The following KCNC4 variants were observed in gnomAD, a reference collection of about 807,000 sequenced individuals.
The protein encoded by KCNC4 is potassium voltage-gated channel subfamily C member 4.
KCNC4 carries 23 observed loss-of-function variants against 42.8 expected under a neutral mutation model. That is an observed-to-expected ratio of 0.54 (90% CI 0.39 to 0.76). The LOEUF (loss-of-function observed/expected upper bound fraction) is 0.76, where lower values mean the gene tolerates loss of function less well. Among genes scored for constraint, KCNC4 ranks in the 30% least tolerant of loss-of-function variants. KCNC4 has a pLI of 0.00. For missense variants in KCNC4, 751 were observed against 898.2 expected (o/e 0.84, Z 2.10); for synonymous variants, 422 against 393.5 (o/e 1.07, Z -0.86).
chr1:110,281,337 G>A (rs1022881171), intron 1 of KCNC4, among the ~76,000 whole-genome samples: 1 of 152,044 alleles, frequency 6.6e-6, no homozygotes, highest in African/African-American at 2.4e-5. Context: ...CCCTACACCT[G>A]TTTCCAAAGG....
intron 1 of KCNC4, among the ~76,000 whole-genome samples, chr1:110,276,761 A>G (rs563909521): frequency 6.6e-6 from 1 of 152,318 alleles, no homozygotes; most frequent in African/African-American, 2.4e-5. Flanking sequence ...GACATTTTGT[A>G]TTCAACACAT....
At chr1:110,235,206 C>G (rs986141440), downstream of KCNC4, 2 of 152,360 alleles carry the variant, frequency 1.3e-5, no homozygotes, top group Non-Finnish European at 1.5e-5. Context: ...GAAGCCTGTT[C>G]CTGAAGTGTA....
intron 1 of KCNC4, among the ~76,000 whole-genome samples, chr1:110,213,015 GT>G (rs1441272093): frequency 6.6e-6 from 1 of 151,894 alleles, no homozygotes; most frequent in Non-Finnish European, 1.5e-5. Context: ...CCTGGTTCAG[GT>G]TACTGCTTGA....
At chr1:110,232,759 A>G (rs1658760788) in intron 3 of KCNC4, 152 bp from the exon 4 acceptor site, 3 of 1,535,798 alleles carry the variant, frequency 2.0e-6, no homozygotes, top group Non-Finnish European at 2.6e-6. Context: ...CTTAGCCCAC[A>G]CCCTGTGGGT....
At chr1:110,279,922 C>T (rs1471046848) in intron 1 of KCNC4, among the ~76,000 whole-genome samples, 3 of 151,190 alleles carry the variant, frequency 2.0e-5, no homozygotes, top group Admixed American at 2.0e-4. Flanking sequence ...CCTCAGCCTC[C>T]CCGAGTAGGC....
rs150379202 is a variant in KCNC4 at position 110,221,905 on chromosome 1, A to G, written c.679-1059A>G. The stretch of plus-strand genomic sequence containing the variant: ...GGCATGAATAACACATGAAGCCTCC[A>G]TAATTGGTGTTATTACACATGCATT... On this transcript the variant is annotated intron_variant, in intron 1 of 3. Coordinates refer to ENST00000438661, the MANE Select transcript of KCNC4 (RefSeq NM_001039574.3). The G allele has an allele frequency of 7.2e-5, 11 of 152,308 alleles. No homozygotes were observed. The East Asian group carries it at 2.1e-3, about 29-fold the overall frequency. 9.4% of individuals were successfully genotyped at this position (152,308 alleles called of 1,614,324 possible).
intron 3 of KCNC4, among the ~76,000 whole-genome samples, chr1:110,227,030 G>T (rs779545556): frequency 6.6e-6 from 1 of 152,170 alleles, no homozygotes; most frequent in Non-Finnish European, 1.5e-5. Context: ...TCACTTATTC[G>T]TCTCTCTTGC....
chr1:110,229,920 A>C (rs1016486946), intron 3 of KCNC4, among the ~76,000 whole-genome samples: 3 of 152,182 alleles, frequency 2.0e-5, no homozygotes, highest in African/African-American at 7.2e-5. Flanking sequence ...AATTTTGCGG[A>C]GAGAATGACT....
rs558901367 is a variant in KCNC4 at position 110,271,884 on chromosome 1, C to T, written n.31-10650C>T. 9.1e-4 allele frequency among the ~76,000 whole-genome samples: 138 copies of T among 152,166 alleles called. 1 individual carries two copies. The highest frequency in any genetic ancestry group is 3.1e-3 in the African/African-American group (129 of 41,504). On this transcript the variant is annotated intron_variant and non_coding_transcript_variant, in intron 1 of 2. Coordinates refer to the KCNC4 transcript ENST00000412512. ...CTGAAAGAGGAGGAGGAGGAGGCTC[C>T]GTTCACACATGAAAGGCTAAGACTC...
chr1:110,254,336 G>T (rs1659296325), intron 1 of KCNC4, among the ~76,000 whole-genome samples: 1 of 152,196 alleles, frequency 6.6e-6, no homozygotes, highest in Non-Finnish European at 1.5e-5. Flanking sequence ...TGACCCCTGA[G>T]GCTTGGGAGG....
chr1:110,236,241 A>G (rs1658902880), downstream of KCNC4: 1 of 152,192 alleles, frequency 6.6e-6, no homozygotes, highest in Admixed American at 6.5e-5. Flanking sequence ...GCATTCCAAG[A>G]TTGATGTTAT....
At position 110,212,109 on chromosome 1, in the gene KCNC4, G is replaced by A. The variant is rs751429467; in HGVS notation, c.610G>A (p.Gly204Ser). ...GGAGHGAGSGGCRGWQPRMWA... is the reference protein window; with the variant it reads ...GGAGHGAGSGSCRGWQPRMWA... ...CGCGGGCCATGGCGCCGGGTCTGGG[G>A]GCTGCCGCGGCTGGCAGCCCCGCAT... Residue 204 changes from glycine (G) to serine (S), a missense_variant, in exon 1 of 4, where the codon GGC becomes AGC. Transcript: ENST00000438661. 3 of 1,502,326 alleles carry A rather than the reference G, an allele frequency of 2.0e-6. No individual in the cohort carries two copies. Among genetic ancestry groups the A allele is most frequent in the East Asian group, 2.6e-5 (1 of 38,372 alleles). 93.1% of individuals were successfully genotyped at this position (1,502,326 alleles called of 1,614,324 possible).
At chr1:110,232,807 T>A (rs1305746548) in intron 3 of KCNC4, 104 bp from the exon 4 acceptor site, 1 of 1,547,224 alleles carries the variant, frequency 6.5e-7, no homozygotes, top group Non-Finnish European at 8.7e-7. Context: ...ATTCTTTGTT[T>A]CTCCCTTTCT....
intron 2 of KCNC4, 59 bp from the exon 3 acceptor site, chr1:110,225,916 C>T: frequency 1.4e-6 from 2 of 1,469,780 alleles, no homozygotes; most frequent in Non-Finnish European, 9.2e-7. Context: ...CCCCAGATGA[C>T]CCATGAGCAA....
In KCNC4 at chr1:110,212,192, C is replaced by G. The variant is rs759754588; in HGVS notation, c.678+15C>G. 1 of 1,458,056 alleles carries G rather than the reference C, an allele frequency of 6.9e-7. No individual in the cohort carries two copies. Among genetic ancestry groups the G allele is most frequent in the Non-Finnish European group, 8.9e-7 (1 of 1,120,700 alleles). 90.3% of individuals were successfully genotyped at this position (1,458,056 alleles called of 1,614,324 possible). On this transcript the variant is annotated intron_variant, in intron 1 of 3. Transcript: ENST00000438661. Reference sequence around the variant, plus strand: ...GGGCCGCTAGGGTGAGTGGCAGGAGCCCGTGTCTCCCCATCTTGGGTCTGC... The same window carrying G: ...GGGCCGCTAGGGTGAGTGGCAGGAGGCCGTGTCTCCCCATCTTGGGTCTGC...
At chr1:110,224,084 T>C (rs1360626676) in intron 2 of KCNC4, 184 bp downstream of exon 2, 1 of 594,424 alleles carries the variant, frequency 1.7e-6, no homozygotes, top group Non-Finnish European at 3.0e-6. Context: ...GGGTCTCCGA[T>C]AGCTTCCCGA....
chr1:110,212,388 C>G (rs931132149), intron 1 of KCNC4, among the ~76,000 whole-genome samples: 1 of 152,166 alleles, frequency 6.6e-6, no homozygotes. Context: ...AGATTGCACA[C>G]ACTTGACTTA....
At position 110,216,577 on chromosome 1, in the gene KCNC4, G is replaced by A. The variant is rs181329789; in HGVS notation, c.678+4400G>A. 7.4e-4 allele frequency among the ~76,000 whole-genome samples: 113 copies of A among 152,300 alleles called. 1 individual carries two copies. Among genetic ancestry groups the A allele is most frequent in the African/African-American group, 2.6e-3 (108 of 41,564 alleles). Reference sequence around the variant, plus strand: ...GGGGTGGGGTGTGGAGTAGGGAAGGGGAGAAAGTAAACGAGCTATTTTGGA... The same window carrying A: ...GGGGTGGGGTGTGGAGTAGGGAAGGAGAGAAAGTAAACGAGCTATTTTGGA... On this transcript the variant is annotated intron_variant, in intron 1 of 3. Transcript: ENST00000438661.
rs536098973 is a variant in KCNC4 at position 110,233,431 on chromosome 1, A to T, written c.*459A>T. On this transcript the variant is annotated 3_prime_UTR_variant, in exon 4 of 4. Transcript: ENST00000438661. ...CTGTCTTGGGGATGTTTCCCCTGTCAGCAAGTAACCTGGTGAAGTCTATTG... is the reference window on the plus strand; with the variant it reads ...CTGTCTTGGGGATGTTTCCCCTGTCTGCAAGTAACCTGGTGAAGTCTATTG... 1.2e-4 allele frequency: 24 copies of T among 204,666 alleles called. 1 individual carries two copies. The South Asian group carries it at 1.9e-3, about 16-fold the overall frequency. The allele number at this position is 204,666 out of a possible 1,614,324, so 12.7% of individuals were successfully genotyped here.
Sources: gnomAD v4.1 joint callset for allele counts (sites outside exome capture counted in the v4.1 genomes callset) on GRCh38, gnomAD v4.1.1 for gene constraint, MANE v1.5 for transcripts, NCBI Gene and HGNC (gene_info 2026-07-23, HGNC 2026-07-21) for gene names.